Variants in SLCO1B1 observed in about 807,000 individuals in gnomAD.
The protein encoded by SLCO1B1 is solute carrier organic anion transporter family member 1B1.
SLCO1B1 carries 81 observed loss-of-function variants against 70.1 expected under a neutral mutation model. The ratio of observed to expected loss-of-function variants is 1.16; its 90% CI spans 0.97 to 1.39. The LOEUF is 1.39. Ranked by LOEUF, SLCO1B1 falls within the 40% of genes most tolerant of loss-of-function variation. SLCO1B1 has a pLI of 0.00. For synonymous variants in SLCO1B1, 283 were observed against 271.5 expected, an observed-to-expected ratio of 1.04 and a Z score of -0.42; for missense variants, 895 against 799.6, an observed-to-expected ratio of 1.12 and a Z score of -1.44.
At chr12:21,236,039 TTGTTTTGTATAGTATCTCATACTATAGTA>T (rs1482057660) in intron 14 of SLCO1B1, among the ~76,000 whole-genome samples, 1 of 152,022 alleles carries the variant, frequency 6.6e-6, no homozygotes, top group African/African-American at 2.4e-5. Flanking sequence ...ATCTGAATGG[TTGTTTTGTATAGTATCTCATACTATAGTA>T]TGTTTTGTAT....
intron 14 of SLCO1B1, among the ~76,000 whole-genome samples, chr12:21,229,380 T>C (rs1037657133): frequency 2.6e-5 from 4 of 152,232 alleles, no homozygotes; most frequent in African/African-American, 9.6e-5. Context: ...AAAAATCCTC[T>C]GCTCTGCCTA....
At chr12:21,182,159 G>C (rs1453469711) in intron 7 of SLCO1B1, among the ~76,000 whole-genome samples, 2 of 152,122 alleles carry the variant, frequency 1.3e-5, no homozygotes, top group African/African-American at 2.4e-5. Context: ...CCCAGTGCAG[G>C]GTTGTTGAAC....
chr12:21,204,673 A>C (rs1941194069), intron 10 of SLCO1B1, among the ~76,000 whole-genome samples: 1 of 152,012 alleles, frequency 6.6e-6, no homozygotes, highest in Admixed American at 6.6e-5. Context: ...TTCAGGCTGC[A>C]AAGTTCTAGG....
intron 7 of SLCO1B1, among the ~76,000 whole-genome samples, chr12:21,193,653 T>G (rs1043677912): frequency 2.0e-5 from 3 of 152,216 alleles, no homozygotes; most frequent in Non-Finnish European, 4.4e-5. Context: ...ATGCTCTGCT[T>G]CCCCTTTAAA....
intron 2 of SLCO1B1, among the ~76,000 whole-genome samples, chr12:21,145,182 C>G (rs1940363917): frequency 6.6e-6 from 1 of 152,080 alleles, no homozygotes; most frequent in Non-Finnish European, 1.5e-5. Flanking sequence ...ATCATGACAT[C>G]CATAAGATAG....
intron 2 of SLCO1B1, among the ~76,000 whole-genome samples, chr12:21,167,322 TTAG>T (rs768270711): frequency 6.6e-6 from 1 of 152,158 alleles, no homozygotes; most frequent in Non-Finnish European, 1.5e-5. Flanking sequence ...AGAACCTAAA[TTAG>T]TAGACAGTGA....
rs181848386 is a variant in SLCO1B1 at position 21,182,153 on chromosome 12, G to A, written c.727+3133G>A. 5.9e-5 allele frequency among the ~76,000 whole-genome samples: 9 copies of A among 152,270 alleles called. No individual in the cohort carries two copies. The East Asian group carries it at 1.5e-3, about 26-fold the overall frequency. ...GAAGAGAGAGAAAGCTGGAAACCCA[G>A]TGCAGGGTTGTTGAACACCAGAGAT... On this transcript the variant is annotated intron_variant, in intron 7 of 14. Coordinates refer to ENST00000256958, the MANE Select transcript of SLCO1B1 (RefSeq NM_006446.5).
chr12:21,141,239 G>A (rs1940303145), intron 1 of SLCO1B1, among the ~76,000 whole-genome samples: 1 of 150,242 alleles, frequency 6.7e-6, no homozygotes, highest in African/African-American at 2.4e-5. Context: ...AAATGTTCAT[G>A]TAATCTGGTG....
At chr12:21,156,367 G>A (rs1774281174) in intron 2 of SLCO1B1, among the ~76,000 whole-genome samples, 1 of 152,072 alleles carries the variant, frequency 6.6e-6, no homozygotes, top group African/African-American at 2.4e-5. Context: ...AAATTTGTAA[G>A]CAGCTAAATC....
rs779195754 is a variant in SLCO1B1 at position 21,178,654 on chromosome 12, C to T, written c.560C>T (p.Pro187Leu). The change falls in exon 6 of 15, where the codon CCC (proline) becomes CTC (leucine). Residue 187 changes from proline (P) to leucine (L), a missense_variant. Transcript: ENST00000256958. Reference sequence around the variant, plus strand: ...ATGCTTCGTGGAATAGGGGAGACTCCCATAGTACCATTGGGGCTTTCTTAC... The same window carrying T: ...ATGCTTCGTGGAATAGGGGAGACTCTCATAGTACCATTGGGGCTTTCTTAC... Reference protein sequence around the residue: ...GNMLRGIGETPIVPLGLSYID... With the variant: ...GNMLRGIGETLIVPLGLSYID... 1.2e-6 allele frequency: 2 copies of T among 1,606,542 alleles called. No individual in the cohort carries two copies. The highest frequency in any genetic ancestry group is 1.7e-6 in the Non-Finnish European group (2 of 1,173,246).
At chr12:21,210,019 C>G (rs1941261803) in intron 11 of SLCO1B1, among the ~76,000 whole-genome samples, 1 of 150,364 alleles carries the variant, frequency 6.7e-6, no homozygotes, top group Non-Finnish European at 1.5e-5. Context: ...TGCCTGTTCA[C>G]TCTGATGGTA....
chr12:21,239,509 A>C lies in SLCO1B1; in HGVS notation c.*320A>C, dbSNP rs901269437. On this transcript the variant is annotated 3_prime_UTR_variant, in exon 15 of 15. Coordinates refer to ENST00000256958, the MANE Select transcript of SLCO1B1 (RefSeq NM_006446.5). ...AGGTAATTCTAATTCTTAATAAAACAAATGAGTATCATACAGGTAGAGGTT... is the reference window on the plus strand; with the variant it reads ...AGGTAATTCTAATTCTTAATAAAACCAATGAGTATCATACAGGTAGAGGTT... 3.9e-5 allele frequency among the ~76,000 whole-genome samples: 6 copies of C among 152,226 alleles called. No individual in the cohort carries two copies. Among genetic ancestry groups the C allele is most frequent in the Non-Finnish European group, 8.8e-5 (6 of 68,032 alleles).
intron 12 of SLCO1B1, among the ~76,000 whole-genome samples, chr12:21,218,265 G>A (rs1205641816): frequency 6.6e-6 from 1 of 152,118 alleles, no homozygotes; most frequent in Non-Finnish European, 1.5e-5. Context: ...GAGTTAGGAA[G>A]GGTGCAGGTA....
At chr12:21,194,214 T>C (rs1049935783) in intron 7 of SLCO1B1, among the ~76,000 whole-genome samples, 4 of 151,566 alleles carry the variant, frequency 2.6e-5, no homozygotes, top group African/African-American at 9.7e-5. Flanking sequence ...ACGGGGTTTC[T>C]CCATGTTGGT....
chr12:21,144,676 T>C (rs192909959), intron 2 of SLCO1B1, among the ~76,000 whole-genome samples: 32 of 152,120 alleles, frequency 2.1e-4, no homozygotes, highest in Admixed American at 9.2e-4. Context: ...AAGGGGCAGG[T>C]CACTTACAAA....
intron 11 of SLCO1B1, among the ~76,000 whole-genome samples, chr12:21,211,162 GT>G (rs1941279293): frequency 6.6e-6 from 1 of 152,294 alleles, no homozygotes; most frequent in African/African-American, 2.4e-5. Flanking sequence ...AATGCTTCCA[GT>G]TTTTGCCCAT....
At position 21,155,665 on chromosome 12, in the gene SLCO1B1, G is replaced by A. The variant is rs746832837; in HGVS notation, c.84+14007G>A. 4.7e-4 allele frequency among the ~76,000 whole-genome samples: 71 copies of A among 152,142 alleles called. 2 individuals are homozygous for A. Among genetic ancestry groups the A allele is most frequent in the Middle Eastern group, 3.2e-3 (1 of 316 alleles). ...ATAGAACTCTGTCATTGTGAACCCT[G>A]AAAGCTCAGAAAAAGGGGAGGGAAA... On this transcript the variant is annotated intron_variant, in intron 2 of 14. Transcript: ENST00000256958.
At chr12:21,155,303 T>C (rs1940528179) in intron 2 of SLCO1B1, among the ~76,000 whole-genome samples, 1 of 152,050 alleles carries the variant, frequency 6.6e-6, no homozygotes, top group Non-Finnish European at 1.5e-5. Context: ...CAATTTTATT[T>C]TCCAATTCTT....
intron 11 of SLCO1B1, among the ~76,000 whole-genome samples, chr12:21,210,107 T>C (rs370605179): frequency 0.13 from 17,798 of 134,766 alleles, 835 homozygotes; most frequent in East Asian, 0.3. Context: ...CCATTGCTTT[T>C]GGTGTTTTAG....
Sources: gnomAD v4.1 joint callset for allele counts (sites outside exome capture counted in the v4.1 genomes callset) on GRCh38, gnomAD v4.1.1 for gene constraint, MANE v1.5 for transcripts, NCBI Gene and HGNC (gene_info 2026-07-23, HGNC 2026-07-21) for gene names.